HMGCLL1: variants seen among roughly 807,000 people sequenced by gnomAD.
HMGCLL1 encodes the protein 3-hydroxy-3-methylglutaryl-CoA lyase like 1.
Under a neutral mutation model 39.1 loss-of-function variants are expected in HMGCLL1, and 36 were observed. The observed-to-expected ratio is 0.92, with a 90% confidence interval of 0.71 to 1.22. The LOEUF (loss-of-function observed/expected upper bound fraction) is 1.22, where lower values mean the gene tolerates loss of function less well. HMGCLL1 is among the 50% of genes most tolerant of loss of function. The probability of loss-of-function intolerance (pLI) is 0.00; values close to 1 mark genes in which losing one functional copy is unlikely to be tolerated. For synonymous variants in HMGCLL1, 149 were observed against 144.0 expected, an observed-to-expected ratio of 1.03 and a Z score of -0.25; for missense variants, 451 against 416.5, an observed-to-expected ratio of 1.08 and a Z score of -0.72.
At chr6:55,467,121 TA>T (rs1446352335) in intron 7 of HMGCLL1, among the ~76,000 whole-genome samples, 1 of 152,072 alleles carries the variant, frequency 6.6e-6, no homozygotes, top group Non-Finnish European at 1.5e-5. Context: ...TCCTTGTCTA[TA>T]AATTAGGTAA....
At chr6:55,669,305 T>C in the HMGCLL1 span, among the ~76,000 whole-genome samples, 1 of 151,752 alleles carries the variant, frequency 6.6e-6, no homozygotes. Flanking sequence ...GCAACAACTT[T>C]GGCAATTAAA....
At chr6:55,627,930 AC>A in the HMGCLL1 span, among the ~76,000 whole-genome samples, 4 of 1,706 alleles carry the variant, frequency 2.3e-3, no homozygotes, top group Non-Finnish European at 4.4e-3. Flanking sequence ...TAATATATAT[AC>A]TATATATATA....
chr6:55,449,945 G>A (rs995994960), intron 7 of HMGCLL1, among the ~76,000 whole-genome samples: 3 of 151,494 alleles, frequency 2.0e-5, no homozygotes, highest in Non-Finnish European at 4.4e-5. Context: ...TAGTTAGTCA[G>A]TTATCTCTTA....
chr6:55,629,182 C>T, the HMGCLL1 span, among the ~76,000 whole-genome samples: 4 of 152,216 alleles, frequency 2.6e-5, no homozygotes, highest in South Asian at 4.1e-4. Context: ...ATGCTGATAG[C>T]GATATGGACA....
chr6:55,648,794 G>T, the HMGCLL1 span, among the ~76,000 whole-genome samples: 24 of 106,880 alleles, frequency 2.2e-4, no homozygotes, highest in East Asian at 6.3e-3. Flanking sequence ...GGTACAAGGA[G>T]GAACTGGTAC....
At chr6:55,473,064 C>A (rs181883315) in intron 7 of HMGCLL1, among the ~76,000 whole-genome samples, 3 of 151,296 alleles carry the variant, frequency 2.0e-5, no homozygotes, top group Non-Finnish European at 4.4e-5. Flanking sequence ...GCTACCCCAG[C>A]TTTCATTTGA....
rs557983771 is a variant in HMGCLL1, at chr6:55,511,476, T to C, written c.542+2572A>G. 5.9e-5 allele frequency among the ~76,000 whole-genome samples: 9 copies of C among 152,132 alleles called. No individual in the cohort carries two copies. The South Asian group carries it at 1.7e-3, about 28-fold the overall frequency. On this transcript the variant is annotated intron_variant, in intron 5 of 8. Transcript: ENST00000274901. Reference sequence around the variant, plus strand: ...GTAATAAAAGCTACTATTTGGACTATATGAATGTTTACTATTTTATAAAAA... The same window carrying C: ...GTAATAAAAGCTACTATTTGGACTACATGAATGTTTACTATTTTATAAAAA...
the HMGCLL1 span, among the ~76,000 whole-genome samples, chr6:55,598,668 T>A: frequency 9.2e-5 from 14 of 152,304 alleles, 1 homozygote; most frequent in African/African-American, 2.6e-4. Context: ...GTTAATTATT[T>A]TTTGCATGAG....
chr6:55,634,415 T>A, the HMGCLL1 span, among the ~76,000 whole-genome samples: 1 of 152,206 alleles, frequency 6.6e-6, no homozygotes, highest in Admixed American at 6.6e-5. Context: ...CTTTTGCTAC[T>A]TGACTTTAGC....
chr6:55,440,261 A>G (rs1427118762), intron 7 of HMGCLL1, among the ~76,000 whole-genome samples: 1 of 152,184 alleles, frequency 6.6e-6, no homozygotes, highest in Admixed American at 6.6e-5. Context: ...TCCATGAAGT[A>G]GATACTCTTG....
At chr6:55,540,500 G>A (rs1268838837) in intron 3 of HMGCLL1, among the ~76,000 whole-genome samples, 1 of 152,034 alleles carries the variant, frequency 6.6e-6, no homozygotes, top group Admixed American at 6.6e-5. Context: ...ATGAGAAGGT[G>A]ACCATCTGCA....
At position 55,578,933 on chromosome 6, in the gene HMGCLL1, G is replaced by A; in HGVS notation, c.108+15C>T. ...GCGCATGAGGGTGGGGACACCCTGG[G>A]CCGCGAGGTGGTACCTGCGCGGGGT... On this transcript the variant is annotated intron_variant, in intron 1 of 8. Coordinates refer to ENST00000274901, the MANE Select transcript of HMGCLL1 (RefSeq NM_001042406.2). 1.3e-6 allele frequency: 2 copies of A among 1,592,774 alleles called. No homozygotes were observed.
the HMGCLL1 span, among the ~76,000 whole-genome samples, chr6:55,595,550 T>TA: frequency 6.6e-6 from 1 of 152,204 alleles, no homozygotes; most frequent in East Asian, 1.9e-4. Context: ...TCTACTAATG[T>TA]AAAAAATCTG....
chr6:55,481,773 T>C (rs954101132), intron 7 of HMGCLL1, among the ~76,000 whole-genome samples: 1 of 151,836 alleles, frequency 6.6e-6, no homozygotes, highest in Non-Finnish European at 1.5e-5. Flanking sequence ...TTTTGGAAAA[T>C]AAGCAATCAA....
chr6:55,605,469 TTACTC>T, the HMGCLL1 span, among the ~76,000 whole-genome samples: 1 of 152,236 alleles, frequency 6.6e-6, no homozygotes, highest in African/African-American at 2.4e-5. Context: ...ACATTTCTAA[TTACTC>T]TACATAATAT....
At chr6:55,530,127 C>T (rs1304202397) in intron 3 of HMGCLL1, among the ~76,000 whole-genome samples, 1 of 151,956 alleles carries the variant, frequency 6.6e-6, no homozygotes, top group African/African-American at 2.4e-5. Context: ...ATATTTCTTA[C>T]TACGTATTAT....
chr6:55,507,186 G>A (rs1767211421), intron 5 of HMGCLL1, among the ~76,000 whole-genome samples: 1 of 151,734 alleles, frequency 6.6e-6, no homozygotes, highest in Admixed American at 6.6e-5. Context: ...AATAGGTTTG[G>A]ACTCAAACAT....
chr6:55,570,488 C>T (rs1455038864), intron 1 of HMGCLL1, among the ~76,000 whole-genome samples: 2 of 152,166 alleles, frequency 1.3e-5, no homozygotes, highest in Non-Finnish European at 2.9e-5. Context: ...ATTTAAAAGT[C>T]CCTGCTTTTG....
intron 7 of HMGCLL1, among the ~76,000 whole-genome samples, chr6:55,448,780 T>C (rs1241407844): frequency 6.6e-6 from 1 of 152,180 alleles, no homozygotes; most frequent in African/African-American, 2.4e-5. Flanking sequence ...AATGAACATA[T>C]GGTTTCACTT....
Sources: allele counts gnomAD v4.1 joint callset (sites outside exome capture counted in the v4.1 genomes callset), GRCh38; gene constraint gnomAD v4.1.1; transcripts MANE v1.5; gene names NCBI Gene and HGNC (gene_info 2026-07-23, HGNC 2026-07-21).